Variants in BNIP2 observed in about 807,000 individuals in gnomAD.
The protein encoded by BNIP2 is BCL2 interacting protein 2, also known as BCL2/adenovirus E1B 19 kDa protein-interacting protein 2.
A neutral mutation model predicts 43.4 loss-of-function variants in BNIP2; 36 were observed. The ratio of observed to expected loss-of-function variants is 0.83; its 90% CI spans 0.64 to 1.10. The LOEUF is 1.10. BNIP2 is among the 50% of genes least tolerant of loss of function. BNIP2 has a pLI of 0.00. For synonymous variants in BNIP2, 146 were observed against 121.0 expected, an observed-to-expected ratio of 1.21 and a Z score of -1.35; for missense variants, 417 against 374.1, an observed-to-expected ratio of 1.11 and a Z score of -0.95.
rs765820804 is a variant in BNIP2 at position 59,688,889 on chromosome 15, G to A, written c.-58+246C>T. On this transcript the variant is annotated intron_variant, in intron 1 of 9. Transcript: ENST00000607373. ...GAGCACAACTACCAGAAACGGAAAA[G>A]CGACGGGGTGGGGGGCCAAACTGCC... 16 of 1,478,088 alleles carry A rather than the reference G, an allele frequency of 1.1e-5. No individual in the cohort carries two copies. In the South Asian group the frequency reaches 2.0e-4, roughly 19 times the overall value. 91.6% of individuals were successfully genotyped at this position (1,478,088 alleles called of 1,614,324 possible). A position where few individuals can be genotyped will look rare whatever the true frequency, so the allele number is the denominator to read the frequency against.
chr15:59,682,621 G>A lies in BNIP2; in HGVS notation c.-57-107C>T, dbSNP rs958169211. 11 of 815,086 alleles carry A rather than the reference G, an allele frequency of 1.3e-5. No homozygotes were observed. The African/African-American group carries it at 1.4e-4, about 11-fold the overall frequency. The allele number at this position is 815,086 out of a possible 1,614,324, so 50.5% of individuals were successfully genotyped here. A position where few individuals can be genotyped will look rare whatever the true frequency, so the allele number is the denominator to read the frequency against. Reference sequence around the variant, plus strand: ...TTCATACTTGATGTTTAGTACAATGGTCTGGTCATGAAATTCATTTACAGG... The same window carrying A: ...TTCATACTTGATGTTTAGTACAATGATCTGGTCATGAAATTCATTTACAGG... On this transcript the variant is annotated intron_variant, in intron 1 of 9. Transcript: ENST00000607373.
intron 9 of BNIP2, among the ~76,000 whole-genome samples, chr15:59,665,961 T>A (rs1488880769): frequency 8.7e-6 from 1 of 114,930 alleles, no homozygotes; most frequent in Non-Finnish European, 1.8e-5. Flanking sequence ...AAAATATTGT[T>A]ATAAAAAATT....
chr15:59,678,578 G>A (rs1402858647), intron 4 of BNIP2: 2 of 1,112,230 alleles, frequency 1.8e-6, no homozygotes, highest in African/African-American at 3.3e-5. Flanking sequence ...GTTTTATAAA[G>A]CAGAAATGTA....
chr15:59,673,237 C>G (rs558323391), intron 5 of BNIP2, among the ~76,000 whole-genome samples: 1 of 151,576 alleles, frequency 6.6e-6, no homozygotes, highest in African/African-American at 2.4e-5. Flanking sequence ...TCCTGCCTCC[C>G]GAGTAGCTGG....
At position 59,664,307 on chromosome 15, in the gene BNIP2, G is replaced by C. The variant is rs1459606556; in HGVS notation, c.894-187C>G. On this transcript the variant is annotated intron_variant, in intron 9 of 9. Transcript: ENST00000607373. ...GAAAAGAGAATTTTTAAAGGCAGGA[G>C]GACACTGGCAAGAAATGTGACCGTT... Among the ~76,000 whole-genome samples the C allele has an allele frequency of 3.9e-5, 6 of 152,102 alleles. No homozygotes were observed. The South Asian group carries it at 8.3e-4, about 21-fold the overall frequency.
intron 2 of BNIP2, among the ~76,000 whole-genome samples, chr15:59,681,519 G>C (rs1365861365): frequency 6.6e-6 from 1 of 151,198 alleles, no homozygotes; most frequent in African/African-American, 2.4e-5. Flanking sequence ...CGCGACCTTG[G>C]CTCACGGCAA....
chr15:59,679,830 T>A, intron 3 of BNIP2, 62 bp from the exon 4 acceptor site: 1 of 1,345,790 alleles, frequency 7.4e-7, no homozygotes. Flanking sequence ...TAAAGTTGAA[T>A]AAGAAAAATT....
intron 5 of BNIP2, among the ~76,000 whole-genome samples, chr15:59,674,261 C>A (rs975460546): frequency 9.0e-6 from 1 of 110,544 alleles, no homozygotes; most frequent in South Asian, 2.4e-4. Flanking sequence ...CTATTGCTTA[C>A]AAATTTGCAC....
intron 5 of BNIP2, among the ~76,000 whole-genome samples, chr15:59,676,499 C>A (rs1382544854): frequency 6.6e-6 from 1 of 152,134 alleles, no homozygotes; most frequent in East Asian, 1.9e-4. Context: ...TGACAGTTTT[C>A]ACTACAAATT....
intron 8 of BNIP2, 137 bp from the exon 9 acceptor site, chr15:59,669,127 T>C: frequency 1.9e-6 from 2 of 1,025,988 alleles, no homozygotes; most frequent in Non-Finnish European, 2.9e-6. Flanking sequence ...GTGATGGATG[T>C]ACTAATCACC....
At chr15:59,688,901 G>A (rs1366073888) in intron 1 of BNIP2, 1 of 1,470,672 alleles carries the variant, frequency 6.8e-7, no homozygotes, top group Non-Finnish European at 8.9e-7. Flanking sequence ...GACGGGGTGG[G>A]GGGCCAAACT....
rs529602028 is a variant in BNIP2 at position 59,676,726 on chromosome 15, G to C, written c.472+1185C>G. On this transcript the variant is annotated intron_variant, in intron 5 of 9. Transcript: ENST00000607373. The stretch of plus-strand genomic sequence containing the variant: ...AGGCGAGCGCAGTGGAGTGCCGCGC[G>C]GTGCGGTGCGGGCGGCAGAGTTGGG... 2.7e-6 allele frequency: 3 copies of C among 1,122,202 alleles called. No homozygotes were observed. The East Asian group carries it at 7.7e-5, about 29-fold the overall frequency. 69.5% of individuals were successfully genotyped at this position (1,122,202 alleles called of 1,614,324 possible).
chr15:59,679,415 G>A lies in BNIP2; in HGVS notation c.295+177C>T, dbSNP rs537385386. 77 of 550,720 alleles carry A rather than the reference G, an allele frequency of 1.4e-4. 1 individual carries two copies. The Admixed American group carries it at 2.3e-3, about 16-fold the overall frequency. The allele number at this position is 550,720 out of a possible 1,614,324, so 34.1% of individuals were successfully genotyped here. A position where few individuals can be genotyped will look rare whatever the true frequency, so the allele number is the denominator to read the frequency against. ...ATGAGAGCAGTGGGCAAATAAGAGG[G>A]GAAAAAAGCCACTGGTGTACTCTAT... On this transcript the variant is annotated intron_variant, in intron 4 of 9. Transcript: ENST00000607373.
intron 1 of BNIP2, among the ~76,000 whole-genome samples, chr15:59,684,309 A>T (rs1220470777): frequency 6.6e-6 from 1 of 152,246 alleles, no homozygotes; most frequent in African/African-American, 2.4e-5. Flanking sequence ...AGTCATTTAC[A>T]TATAGGAGTA....
intron 7 of BNIP2, 137 bp downstream of exon 7, chr15:59,671,046 C>G: frequency 1.3e-6 from 1 of 797,776 alleles, no homozygotes; most frequent in South Asian, 2.0e-5. Flanking sequence ...GCACTCCAGC[C>G]TGGGCAACAA....
At chr15:59,681,313 T>C (rs1349045339) in intron 2 of BNIP2, among the ~76,000 whole-genome samples, 1 of 152,176 alleles carries the variant, frequency 6.6e-6, no homozygotes, top group African/African-American at 2.4e-5. Flanking sequence ...GCTCTCTTTT[T>C]CATTAGCCTA....
rs1409279256 is a variant in BNIP2 at position 59,674,407 on chromosome 15, T to A, written c.473-1668A>T. 4.6e-5 allele frequency among the ~76,000 whole-genome samples: 7 copies of A among 152,174 alleles called. No individual in the cohort carries two copies. The East Asian group carries it at 1.3e-3, about 29-fold the overall frequency. On this transcript the variant is annotated intron_variant, in intron 5 of 9. Coordinates refer to ENST00000607373, the MANE Select transcript of BNIP2 (RefSeq NM_004330.4). ...TTTCCCCTATAAAAAAAGTGCTATT[T>A]CTGAAAGATAAGAGATTTAAGCCAT...
intron 9 of BNIP2, chr15:59,665,446 CA>C: frequency 6.5e-6 from 1 of 152,874 alleles, no homozygotes; most frequent in Non-Finnish European, 1.5e-5. Context: ...TCCGTCTCTA[CA>C]AAAAATACAA....
At chr15:59,669,695 C>G (rs956047274) in intron 7 of BNIP2, among the ~76,000 whole-genome samples, 1 of 152,052 alleles carries the variant, frequency 6.6e-6, no homozygotes, top group Non-Finnish European at 1.5e-5. Flanking sequence ...TTCTCATTTT[C>G]CAAGACTAGG....
Sources: allele counts gnomAD v4.1 joint callset (sites outside exome capture counted in the v4.1 genomes callset), GRCh38; gene constraint gnomAD v4.1.1; transcripts MANE v1.5; gene names NCBI Gene and HGNC (gene_info 2026-07-23, HGNC 2026-07-21).